The following CSMD1 variants were observed in gnomAD, a reference collection of about 807,000 sequenced individuals.
CSMD1 encodes the protein CUB and sushi domain-containing protein 1.
CSMD1 carries 213 observed loss-of-function variants against 417.5 expected under a neutral mutation model. That is an observed-to-expected ratio of 0.51 (90% CI 0.46 to 0.57). CSMD1 has a LOEUF of 0.57. Ranked by LOEUF, CSMD1 falls within the 20% of genes least tolerant of loss-of-function variation. The probability of loss-of-function intolerance (pLI) is 0.00; values close to 1 mark genes in which losing one functional copy is unlikely to be tolerated. For missense variants in CSMD1, 6,923 were observed against 4,529.7 expected, an observed-to-expected ratio of 1.53 and a Z score of -15.17; for synonymous variants, 2,862 against 1,736.8, an observed-to-expected ratio of 1.65 and a Z score of -16.11.
At chr8:4,959,379 C>T (rs1047622150) in intron 1 of CSMD1, among the ~76,000 whole-genome samples, 16 of 152,204 alleles carry the variant, frequency 1.1e-4, no homozygotes, top group Non-Finnish European at 1.8e-4. Flanking sequence ...CCCAACCAGG[C>T]GCTCTCATTT....
intron 2 of CSMD1, among the ~76,000 whole-genome samples, chr8:4,631,450 C>A (rs1563351232): frequency 6.7e-6 from 1 of 150,206 alleles, no homozygotes; most frequent in Non-Finnish European, 1.5e-5. Flanking sequence ...TCCCTTAGGA[C>A]CTTGTAGCAA....
At chr8:3,991,384 T>G (rs148953407) in intron 5 of CSMD1, among the ~76,000 whole-genome samples, 2 of 152,302 alleles carry the variant, frequency 1.3e-5, no homozygotes, top group Non-Finnish European at 2.9e-5. Context: ...GCGTCACGGT[T>G]GCATATATAA....
At chr8:3,641,898 T>C (rs933701656) in intron 7 of CSMD1, among the ~76,000 whole-genome samples, 11 of 152,220 alleles carry the variant, frequency 7.2e-5, no homozygotes, top group African/African-American at 2.7e-4. Flanking sequence ...ATAGGCAATG[T>C]GTGGAAACTA....
intron 7 of CSMD1, chr8:3,702,304 G>T (rs897548732): frequency 6.6e-6 from 1 of 152,072 alleles, no homozygotes; most frequent in Non-Finnish European, 1.5e-5. Flanking sequence ...ATATCGAATT[G>T]GGCAAGTCAT....
intron 26 of CSMD1, among the ~76,000 whole-genome samples, chr8:3,260,722 A>C (rs1293331956): frequency 6.6e-6 from 1 of 152,204 alleles, no homozygotes; most frequent in Non-Finnish European, 1.5e-5. Context: ...ACCTCGACCT[A>C]CCTCAAGAGT....
chr8:4,113,271 A>T (rs1421327900), intron 3 of CSMD1, among the ~76,000 whole-genome samples: 1 of 152,158 alleles, frequency 6.6e-6, no homozygotes, highest in Non-Finnish European at 1.5e-5. Flanking sequence ...TCTCATTTTA[A>T]ATCAAAAGCT....
rs916831577 is a variant in CSMD1, at chr8:4,807,431, G to A, written c.86-169873C>T. On this transcript the variant is annotated intron_variant, in intron 1 of 69. Transcript: ENST00000635120. Reference sequence around the variant, plus strand: ...GGCAGCCAAACATTCTCACAAAAATGAAAGACTCATGGGGCACACTTGAGC... The same window carrying A: ...GGCAGCCAAACATTCTCACAAAAATAAAAGACTCATGGGGCACACTTGAGC... Among the ~76,000 whole-genome samples, 21 of 152,084 alleles carry A rather than the reference G, an allele frequency of 1.4e-4. 1 individual carries two copies. In the East Asian group the frequency reaches 3.7e-3, roughly 27 times the overall value.
chr8:4,918,160 G>A (rs1806195122), intron 1 of CSMD1, among the ~76,000 whole-genome samples: 2 of 152,288 alleles, frequency 1.3e-5, no homozygotes, highest in Admixed American at 6.5e-5. Flanking sequence ...ATGGAATCCC[G>A]TGTTGGTGTT....
In CSMD1 at chr8:4,440,075, T is replaced by C. The variant is rs561507535; in HGVS notation, c.303-20010A>G. On this transcript the variant is annotated intron_variant, in intron 2 of 69. Coordinates refer to ENST00000635120, the MANE Select transcript of CSMD1 (RefSeq NM_033225.6). Reference sequence around the variant, plus strand: ...CAGTGATCAACAGTTTAAAACACTGTTTTTAACTGTGTTAGGATATTGGAA... The same window carrying C: ...CAGTGATCAACAGTTTAAAACACTGCTTTTAACTGTGTTAGGATATTGGAA... Among the ~76,000 whole-genome samples, 18 of 152,252 alleles carry C rather than the reference T, an allele frequency of 1.2e-4. 1 individual carries two copies. In the South Asian group the frequency reaches 2.7e-3, roughly 23 times the overall value.
At chr8:4,351,841 T>C (rs1801113599) in intron 3 of CSMD1, among the ~76,000 whole-genome samples, 3 of 152,024 alleles carry the variant, frequency 2.0e-5, no homozygotes, top group African/African-American at 7.3e-5. Context: ...GCCAAGGAGA[T>C]GTCCAGGACC....
intron 26 of CSMD1, among the ~76,000 whole-genome samples, chr8:3,236,367 A>G (rs1464009892): frequency 6.6e-6 from 1 of 152,192 alleles, no homozygotes; most frequent in African/African-American, 2.4e-5. Context: ...TGTATTTAGA[A>G]TTATGAAATA....
intron 3 of CSMD1, among the ~76,000 whole-genome samples, chr8:4,314,645 T>C (rs1798818296): frequency 6.6e-6 from 1 of 152,168 alleles, no homozygotes; most frequent in Admixed American, 6.5e-5. Flanking sequence ...TGTAATGTAC[T>C]ATTACATTAC....
chr8:4,933,453 T>A (rs866432582), intron 1 of CSMD1, among the ~76,000 whole-genome samples: 1 of 152,188 alleles, frequency 6.6e-6, no homozygotes, highest in African/African-American at 2.4e-5. Context: ...AAAATTAATT[T>A]CAAAGCCAAC....
In CSMD1 at chr8:4,195,575, G is replaced by C. The variant is rs958205737; in HGVS notation, c.416-163476C>G. 9.9e-5 allele frequency among the ~76,000 whole-genome samples: 15 copies of C among 152,272 alleles called. No homozygotes were observed. In the Middle Eastern group the frequency reaches 0.02, roughly 207 times the overall value. ...CGTCTGACCAATAGTATATGGTAGA[G>C]GTGAGCGTTGTCACTGTCATGACTG... On this transcript the variant is annotated intron_variant, in intron 3 of 69. Coordinates refer to ENST00000635120, the MANE Select transcript of CSMD1 (RefSeq NM_033225.6).
intron 5 of CSMD1, among the ~76,000 whole-genome samples, chr8:3,818,324 A>G (rs1801513255): frequency 6.6e-6 from 1 of 152,168 alleles, no homozygotes; most frequent in Non-Finnish European, 1.5e-5. Flanking sequence ...CATGTTCCAA[A>G]GAAACTCCCT....
intron 25 of CSMD1, among the ~76,000 whole-genome samples, chr8:3,304,730 CTTTTTAATT>C (rs1487147601): frequency 6.6e-6 from 1 of 151,614 alleles, no homozygotes; most frequent in African/African-American, 2.4e-5. Context: ...TTATTTTTCT[CTTTTTAATT>C]TTTTTTATTA....
intron 10 of CSMD1, among the ~76,000 whole-genome samples, chr8:3,500,396 A>T (rs966896225): frequency 2.0e-5 from 3 of 152,144 alleles, no homozygotes; most frequent in South Asian, 4.1e-4. Context: ...AAAAAACAGT[A>T]TGGAGCTTGG....
intron 5 of CSMD1, among the ~76,000 whole-genome samples, chr8:3,858,514 T>G (rs990340175): frequency 6.6e-6 from 1 of 152,210 alleles, no homozygotes; most frequent in East Asian, 1.9e-4. Context: ...GAAGGCCTAC[T>G]TAATTTTGAA....
At position 3,360,968 on chromosome 8, in the gene CSMD1, C is replaced by G. The variant is rs141942147; in HGVS notation, c.3116-1628G>C. Among the ~76,000 whole-genome samples, 43 of 152,074 alleles carry G rather than the reference C, an allele frequency of 2.8e-4. 2 individuals are homozygous for G. The East Asian group carries it at 8.0e-3, about 28-fold the overall frequency. ...CTCTGTACCTAAACACTTCCTTCAT[C>G]TCACTTAGCTTACTGGTAAAGCTCT... On this transcript the variant is annotated intron_variant, in intron 20 of 69. Transcript: ENST00000635120.
Sources: gnomAD v4.1 joint callset for allele counts (sites outside exome capture counted in the v4.1 genomes callset) on GRCh38, gnomAD v4.1.1 for gene constraint, MANE v1.5 for transcripts, NCBI Gene and HGNC (gene_info 2026-07-23, HGNC 2026-07-21) for gene names.